The following RICTOR variants were observed in gnomAD, a reference collection of about 807,000 sequenced individuals.
The protein encoded by RICTOR is RPTOR independent companion of MTOR complex 2.
Under a neutral mutation model 214.9 loss-of-function variants are expected in RICTOR, and 49 were observed. The observed-to-expected ratio is 0.23, with a 90% confidence interval of 0.18 to 0.29. The LOEUF (loss-of-function observed/expected upper bound fraction) is 0.29. RICTOR is among the 10% of genes least tolerant of loss of function. The pLI is 1.00. For missense variants in RICTOR, 1,625 were observed against 2,047.0 expected (o/e 0.79, Z 3.98); for synonymous variants, 717 against 711.3 (o/e 1.01, Z -0.13).
Position 38,952,384 on chromosome 5 carries a change from T to C in RICTOR, c.2939A>G (p.Gln980Arg). ...GTGACATTTTAGAATATCACAGCCT[T>C]GTTTGGTTTTAGCTATGAGCCCAAG... ...YVLGLIAKTK[Q>R]GCDILKCHNW... Residue 980 changes from glutamine (Q) to arginine (R), a missense_variant, in exon 30 of 38, where the codon CAA becomes CGA. Physicochemically the swap from Gln to Arg is conservative, Grantham distance 43. Around this residue, in one of 5 missense-constraint regions of RICTOR, gnomAD observed 1,214 missense variants for 1,470.5 expected, o/e 0.83. Coordinates refer to ENST00000357387, the MANE Select transcript of RICTOR (RefSeq NM_152756.5). 1 of 1,612,834 alleles carries C rather than the reference T, an allele frequency of 6.2e-7. No individual in the cohort carries two copies.
At position 39,026,032 on chromosome 5, in the gene RICTOR, C is replaced by T. The variant is rs547795635; in HGVS notation, c.98-4896G>A. ...AAAAAGAAACTTAAAGAGAGGTTTA[C>T]CTGTCTCTATTTCTTCCTACTCTGT... On this transcript the variant is annotated intron_variant, in intron 2 of 37. Coordinates refer to ENST00000357387, the MANE Select transcript of RICTOR (RefSeq NM_152756.5). Among the ~76,000 whole-genome samples, 6 of 152,214 alleles carry T rather than the reference C, an allele frequency of 3.9e-5. No individual in the cohort carries two copies. The South Asian group carries it at 1.0e-3, about 26-fold the overall frequency.
intron 7 of RICTOR, among the ~76,000 whole-genome samples, chr5:38,989,705 T>C (rs1366968625): frequency 6.6e-6 from 1 of 152,132 alleles, no homozygotes; most frequent in African/African-American, 2.4e-5. Context: ...GAACAGACAC[T>C]TCTCAAAAGA....
chr5:38,981,750 G>T, intron 8 of RICTOR, 117 bp downstream of exon 8: 1 of 639,740 alleles, frequency 1.6e-6, no homozygotes, highest in Non-Finnish European at 2.6e-6. Flanking sequence ...ATTAGTGTCG[G>T]CTAATTTAGG....
chr5:39,017,893 T>C (rs920750464), intron 3 of RICTOR, among the ~76,000 whole-genome samples: 8 of 152,252 alleles, frequency 5.3e-5, no homozygotes, highest in African/African-American at 1.7e-4. Flanking sequence ...TAGATCCTGA[T>C]TTAGTAGGTC....
Position 38,943,161 on chromosome 5 carries a change from T to A in RICTOR, c.4914-190A>T, listed in dbSNP as rs920528510. On this transcript the variant is annotated intron_variant, in intron 36 of 37. Transcript: ENST00000357387. Reference sequence around the variant, plus strand: ...CACTTAGACATTCTGAGTTTGGGTTTTTTTTTAAAAAAAATGATTATCAAA... The same window carrying A: ...CACTTAGACATTCTGAGTTTGGGTTATTTTTTAAAAAAAATGATTATCAAA... 47 of 415,702 alleles carry A rather than the reference T, an allele frequency of 1.1e-4. No homozygotes were observed. In the Admixed American group the frequency reaches 1.9e-3, roughly 17 times the overall value. The allele number at this position is 415,702 out of a possible 1,614,324, so 25.8% of individuals were successfully genotyped here. A position where few individuals can be genotyped will look rare whatever the true frequency, so the allele number is the denominator to read the frequency against.
intron 15 of RICTOR, 22 bp downstream of exon 15, chr5:38,966,619 A>C: frequency 2.6e-6 from 3 of 1,141,904 alleles, no homozygotes; most frequent in Non-Finnish European, 3.9e-6. Flanking sequence ...TGAAACATAT[A>C]ATCAGAAGTT....
chr5:38,940,019 C>CT lies in RICTOR; in HGVS notation c.*2284dup, dbSNP rs35397307. The CT allele has an allele frequency of 0.54, 108,415 of 201,346 alleles. 25,930 individuals are homozygous for CT. Among genetic ancestry groups the CT allele is most frequent in the African/African-American group, 0.67 (27,646 of 41,294 alleles). The allele number at this position is 201,346 out of a possible 1,614,324, so 12.5% of individuals were successfully genotyped here. A position where few individuals can be genotyped will look rare whatever the true frequency, so the allele number is the denominator to read the frequency against. On this transcript the variant is annotated 3_prime_UTR_variant, in exon 38 of 38. Transcript: ENST00000357387. ...ATAGCACTATAAATTTAAGCGTAGACTTTTTTTTTTTTTTAGTATACTGAT... is the reference window on the plus strand; with the variant it reads ...ATAGCACTATAAATTTAAGCGTAGACTTTTTTTTTTTTTTTAGTATACTGAT...
In RICTOR at chr5:39,039,896, G is replaced by GA. The variant is rs557591284; in HGVS notation, c.98-18761dup. 3.2e-3 allele frequency among the ~76,000 whole-genome samples: 483 copies of GA among 152,062 alleles called. 6 individuals are homozygous for GA. The highest frequency in any genetic ancestry group is 0.011 in the African/African-American group (466 of 41,496). ...ACTGTAAACTAGTTCAACCATTGTG[G>GA]AAGTCAGTGTGGCGATTCCTCAGGG... is the stretch of plus-strand genomic sequence containing the variant. On this transcript the variant is annotated intron_variant, in intron 2 of 37. Coordinates refer to ENST00000357387, the MANE Select transcript of RICTOR (RefSeq NM_152756.5).
chr5:39,014,829 T>C (rs753470799), intron 3 of RICTOR, among the ~76,000 whole-genome samples: 1 of 152,180 alleles, frequency 6.6e-6, no homozygotes, highest in African/African-American at 2.4e-5. Context: ...GGAAGTTTAG[T>C]TTTGAAGCTG....
chr5:38,990,716 A>ATATC lies in RICTOR; in HGVS notation c.583+232_583+233insGATA, dbSNP rs760128991. On this transcript the variant is annotated intron_variant, in intron 7 of 37. Transcript: ENST00000357387. Reference sequence around the variant, plus strand: ...ATGATATATATCAGATATGATATATATGATATATATCATATATATGATATA... The same window carrying ATATC: ...ATGATATATATCAGATATGATATATATATCTGATATATATCATATATATGATATA... Among the ~76,000 whole-genome samples the ATATC allele has an allele frequency of 7.5e-4, 17 of 22,652 alleles. 3 individuals are homozygous for ATATC. Among genetic ancestry groups the ATATC allele is most frequent in the African/African-American group, 2.7e-3 (15 of 5,600 alleles). The allele number at this position is 22,652 out of a possible 152,430, so 14.9% of individuals were successfully genotyped here. A position where few individuals can be genotyped will look rare whatever the true frequency, so the allele number is the denominator to read the frequency against.
intron 30 of RICTOR, 31 bp from the exon 31 acceptor site, chr5:38,950,751 C>T (rs747500104): frequency 1.3e-6 from 2 of 1,512,874 alleles, no homozygotes; most frequent in South Asian, 2.6e-5. Flanking sequence ...AATAAAAACA[C>T]ATATAAAATG....
At position 38,941,178 on chromosome 5, in the gene RICTOR, CAATT is replaced by C. The variant is rs1278403955; in HGVS notation, c.*1122_*1125del. ...ACTTAACTTCACAAATGGATAAAGG[CAATT>C]AATATACTCATAAACCCACCTACCA... On this transcript the variant is annotated 3_prime_UTR_variant, in exon 38 of 38. Transcript: ENST00000357387. 4.3e-6 allele frequency: 1 copy of C among 232,710 alleles called. No individual in the cohort carries two copies. The highest frequency in any genetic ancestry group is 8.5e-6 in the Non-Finnish European group (1 of 117,574). 14.4% of individuals were successfully genotyped at this position (232,710 alleles called of 1,614,324 possible). A position where few individuals can be genotyped will look rare whatever the true frequency, so the allele number is the denominator to read the frequency against.
chr5:39,068,389 T>G (rs1230291628), intron 2 of RICTOR, among the ~76,000 whole-genome samples: 2 of 152,198 alleles, frequency 1.3e-5, no homozygotes, highest in Non-Finnish European at 2.9e-5. Context: ...TGAGAAGGAC[T>G]GTATGTAATG....
chr5:38,999,502 C>G (rs1580058265), intron 5 of RICTOR, among the ~76,000 whole-genome samples: 1 of 151,900 alleles, frequency 6.6e-6, no homozygotes, highest in East Asian at 1.9e-4. Context: ...AGATGACTAG[C>G]AGAACTTAAT....
At chr5:38,985,104 C>T (rs1468837638) in intron 7 of RICTOR, among the ~76,000 whole-genome samples, 1 of 152,170 alleles carries the variant, frequency 6.6e-6, no homozygotes, top group Non-Finnish European at 1.5e-5. Context: ...AGCCACCATG[C>T]CCAGCCTAAA....
At chr5:38,996,997 T>C in intron 5 of RICTOR, 115 bp from the exon 6 acceptor site, 3 of 720,318 alleles carry the variant, frequency 4.2e-6, no homozygotes, top group African/African-American at 1.8e-5. Context: ...TATTATTGTT[T>C]TGGTATATGA....
intron 3 of RICTOR, among the ~76,000 whole-genome samples, chr5:39,016,305 G>A (rs573623607): frequency 6.9e-6 from 1 of 145,868 alleles, no homozygotes; most frequent in East Asian, 2.2e-4. Flanking sequence ...GTACAACGGA[G>A]AAAAGGAAGG....
intron 3 of RICTOR, among the ~76,000 whole-genome samples, chr5:39,018,777 T>C (rs1755162563): frequency 6.6e-6 from 1 of 152,100 alleles, no homozygotes; most frequent in South Asian, 2.1e-4. Context: ...AACACTACAA[T>C]GGCCTCTAAG....
intron 2 of RICTOR, among the ~76,000 whole-genome samples, chr5:39,023,665 T>C (rs1755600246): frequency 6.6e-6 from 1 of 152,254 alleles, no homozygotes; most frequent in South Asian, 2.1e-4. Flanking sequence ...GAGACTTTTA[T>C]CTGTTAACAC....
Sources: allele counts gnomAD v4.1 joint callset (sites outside exome capture counted in the v4.1 genomes callset), GRCh38; gene constraint gnomAD v4.1.1; regional missense constraint gnomAD v4.1.1; transcripts MANE v1.5; gene names NCBI Gene and HGNC (gene_info 2026-07-23, HGNC 2026-07-21).